Variants in SLC26A8 observed in about 807,000 individuals in gnomAD.
SLC26A8 encodes the protein testis anion transporter 1.
Under a neutral mutation model 105.0 loss-of-function variants are expected in SLC26A8, and 70 were observed. The ratio of observed to expected loss-of-function variants is 0.67; its 90% CI spans 0.55 to 0.81. The LOEUF is 0.81. Ranked by LOEUF, SLC26A8 falls within the 40% of genes least tolerant of loss-of-function variation. SLC26A8 has a pLI of 0.00. For synonymous variants in SLC26A8, 415 were observed against 438.3 expected (o/e 0.95, Z 0.66); for missense variants, 998 against 1,181.8 (o/e 0.84, Z 2.28).
In SLC26A8 at chr6:35,977,243, C is replaced by T. The variant is rs1231636259; in HGVS notation, c.1134G>A (p.Lys378=). 1 of 1,614,050 alleles carries T rather than the reference C, an allele frequency of 6.2e-7. No homozygotes were observed. Among genetic ancestry groups the T allele is most frequent in the Admixed American group, 1.7e-5 (1 of 60,006 alleles). ...SSFLLIFLGK[K]IASLHNYSVN... is the part of the protein sequence containing the mutation. ...CACTGTAATTGTGAAGACTGGCAAT[C>T]TTCTTGCCCAGAAATATGAGCAGAA... Residue 378 remains lysine (K), a synonymous_variant, in exon 9 of 20, where the codon AAG becomes AAA. Transcript: ENST00000490799.
intron 12 of SLC26A8, 30 bp downstream of exon 12, chr6:35,962,496 C>T: frequency 3.2e-6 from 5 of 1,571,850 alleles, no homozygotes; most frequent in African/African-American, 1.4e-5. Context: ...CTCTGCCCTC[C>T]CCTTCCTCAG....
intron 12 of SLC26A8, among the ~76,000 whole-genome samples, chr6:35,962,119 G>C (rs917186426): frequency 6.6e-6 from 1 of 151,988 alleles, no homozygotes; most frequent in African/African-American, 2.4e-5. Flanking sequence ...CCAGCTACTC[G>C]GGAGGCTGAG....
intron 7 of SLC26A8, among the ~76,000 whole-genome samples, chr6:35,988,490 C>G (rs1396559950): frequency 6.6e-6 from 1 of 151,882 alleles, no homozygotes; most frequent in Non-Finnish European, 1.5e-5. Context: ...TAAAAATCAG[C>G]TGGGCATGGT....
At chr6:35,950,177 G>T (rs990678656) in intron 19 of SLC26A8, among the ~76,000 whole-genome samples, 1 of 152,072 alleles carries the variant, frequency 6.6e-6, no homozygotes, top group Non-Finnish European at 1.5e-5. Flanking sequence ...CTAGTCATTA[G>T]ATAATATTAG....
In SLC26A8 at chr6:36,004,426, T is replaced by G. The variant is rs180723814; in HGVS notation, c.329-4318A>C. ...AGTATCCAGCAACATTCATAAAATC[T>G]TACTATTTTCTTTGTTTTTCTTTTT... On this transcript the variant is annotated intron_variant, in intron 3 of 19. Coordinates refer to ENST00000490799, the MANE Select transcript of SLC26A8 (RefSeq NM_052961.4). Among the ~76,000 whole-genome samples the G allele has an allele frequency of 2.6e-3, 339 of 127,978 alleles. 1 individual carries two copies. Among genetic ancestry groups the G allele is most frequent in the Non-Finnish European group, 4.1e-3 (227 of 56,024 alleles). The allele number at this position is 127,978 out of a possible 152,430, so 84.0% of individuals were successfully genotyped here. A position where few individuals can be genotyped will look rare whatever the true frequency, so the allele number is the denominator to read the frequency against.
In SLC26A8 at chr6:36,007,992, C is replaced by A. The variant is rs370737864; in HGVS notation, c.328+4241G>T. On this transcript the variant is annotated intron_variant, in intron 3 of 19. Coordinates refer to ENST00000490799, the MANE Select transcript of SLC26A8 (RefSeq NM_052961.4). Reference sequence around the variant, plus strand: ...AAAATTAGCCAGGCATAGTGGCAGGCGCCTGTAGTCCCAGCTACTCGGGAG... The same window carrying A: ...AAAATTAGCCAGGCATAGTGGCAGGAGCCTGTAGTCCCAGCTACTCGGGAG... Among the ~76,000 whole-genome samples the A allele has an allele frequency of 1.4e-3, 208 of 151,844 alleles. 2 individuals carry two copies. In the East Asian group the frequency reaches 0.031, roughly 23 times the overall value.
chr6:35,955,094 G>A (rs778694019), intron 17 of SLC26A8, 58 bp downstream of exon 17: 7 of 1,604,378 alleles, frequency 4.4e-6, no homozygotes, highest in African/African-American at 1.3e-5. Flanking sequence ...GGATCAGGGT[G>A]GGGTTGGGAT....
At chr6:35,985,446 G>A (rs1201938534) in intron 7 of SLC26A8, among the ~76,000 whole-genome samples, 1 of 152,008 alleles carries the variant, frequency 6.6e-6, no homozygotes, top group African/African-American at 2.4e-5. Context: ...TGTAATCCCA[G>A]CACTTTGGGA....
In SLC26A8 at chr6:35,965,553, A is replaced by G. The variant is rs149202572; in HGVS notation, c.1366-2932T>C. 6.5e-3 allele frequency among the ~76,000 whole-genome samples: 987 copies of G among 151,862 alleles called. 13 individuals are homozygous for G. The highest frequency in any genetic ancestry group is 0.022 in the African/African-American group (925 of 41,352). On this transcript the variant is annotated intron_variant, in intron 11 of 19. Transcript: ENST00000490799. ...AAAAGTTAGCCGGGTGTGGTGACGC[A>G]TGCCTGTAATCCCAGCTACTTGGGA...
Position 35,960,998 on chromosome 6 carries a change from T to G in SLC26A8, c.1563A>C (p.Ser521=). The change falls in exon 13 of 20, where the codon TCA becomes TCC. Residue 521 remains serine, a synonymous_variant. Transcript: ENST00000490799. ...TATTACCTGAGACAAAGTACCTGTGTGAACGAACAGTGGTGATGAAGAAAG... is the reference window on the plus strand; with the variant it reads ...TATTACCTGAGACAAAGTACCTGTGGGAACGAACAGTGGTGATGAAGAAAG... ...VSAFFITTVR[S]HRAKILLLGQ... is the part of the protein sequence containing the mutation. The G allele has an allele frequency of 6.2e-7, 1 of 1,614,118 alleles. No individual in the cohort carries two copies. The highest frequency in any genetic ancestry group is 1.1e-5 in the South Asian group (1 of 91,074).
chr6:35,991,930 C>T lies in SLC26A8; in HGVS notation c.793-122G>A, dbSNP rs139354174. On this transcript the variant is annotated intron_variant, in intron 6 of 19. Coordinates refer to ENST00000490799, the MANE Select transcript of SLC26A8 (RefSeq NM_052961.4). ...AAGTAGAGTTTCTGGGTACAAAGGT[C>T]TTTATGGGTATTACTAGAACAGTGA... 2.1e-3 allele frequency: 2,058 copies of T among 969,270 alleles called. 61 individuals carry two copies. The East Asian group carries it at 0.052, about 24-fold the overall frequency. 60.0% of individuals were successfully genotyped at this position (969,270 alleles called of 1,614,324 possible). A position where few individuals can be genotyped will look rare whatever the true frequency, so the allele number is the denominator to read the frequency against.
In SLC26A8 at chr6:35,960,991, A is replaced by C; in HGVS notation, c.1568+2T>G. The C allele has an allele frequency of 6.2e-7, 1 of 1,614,064 alleles. No individual in the cohort carries two copies. Among genetic ancestry groups the C allele is most frequent in the South Asian group, 1.1e-5 (1 of 91,074 alleles). On this transcript the variant is annotated splice_donor_variant, in intron 13 of 19. Coordinates refer to ENST00000490799, the MANE Select transcript of SLC26A8 (RefSeq NM_052961.4). LOFTEE classifies it high-confidence loss of function. The stretch of plus-strand genomic sequence containing the variant: ...AACCTCCTATTACCTGAGACAAAGT[A>C]CCTGTGTGAACGAACAGTGGTGATG...
intron 17 of SLC26A8, chr6:35,954,718 G>A (rs1010512806): frequency 5.2e-6 from 1 of 192,442 alleles, no homozygotes; most frequent in South Asian, 1.0e-4. Context: ...GCCGAGGTGC[G>A]CGGATCACTT....
chr6:35,976,742 C>T (rs1242383116), intron 9 of SLC26A8, among the ~76,000 whole-genome samples: 1 of 151,700 alleles, frequency 6.6e-6, no homozygotes, highest in Non-Finnish European at 1.5e-5. Context: ...GACAGGGTTT[C>T]ACCGTGTTAG....
rs1761999733 is a variant in SLC26A8 at position 36,016,520 on chromosome 6, T to C, written c.188+3000A>G. 2.6e-5 allele frequency among the ~76,000 whole-genome samples: 4 copies of C among 152,358 alleles called. No homozygotes were observed. The South Asian group carries it at 8.3e-4, about 32-fold the overall frequency. On this transcript the variant is annotated intron_variant, in intron 2 of 19. Coordinates refer to ENST00000490799, the MANE Select transcript of SLC26A8 (RefSeq NM_052961.4). ...TATTACATTACAATTGCTAAAGAGA[T>C]CTTGAAATATTAGTTACATTCATCA...
At chr6:35,975,133 C>G (rs144897543) in intron 10 of SLC26A8, among the ~76,000 whole-genome samples, 177 of 152,178 alleles carry the variant, frequency 1.2e-3, no homozygotes, top group Non-Finnish European at 2.1e-3. Context: ...ATACGGAAAC[C>G]TCTCACATAT....
intron 10 of SLC26A8, among the ~76,000 whole-genome samples, chr6:35,974,945 A>G (rs1279104139): frequency 1.3e-5 from 2 of 149,136 alleles, no homozygotes; most frequent in Non-Finnish European, 1.5e-5. Flanking sequence ...TCTAGTAGAG[A>G]TGGGGTTTTA....
At chr6:35,979,137 C>A (rs544543894) in intron 8 of SLC26A8, among the ~76,000 whole-genome samples, 2 of 150,946 alleles carry the variant, frequency 1.3e-5, no homozygotes, top group Non-Finnish European at 2.9e-5. Context: ...CAGGCATGAG[C>A]CACTGTGTCT....
intron 19 of SLC26A8, among the ~76,000 whole-genome samples, chr6:35,948,005 G>T (rs1771733947): frequency 6.6e-6 from 1 of 152,172 alleles, no homozygotes; most frequent in Non-Finnish European, 1.5e-5. Flanking sequence ...ACCTTACTAT[G>T]AATGAAACAT....
Sources: allele counts gnomAD v4.1 joint callset (sites outside exome capture counted in the v4.1 genomes callset), GRCh38; gene constraint gnomAD v4.1.1; transcripts MANE v1.5; gene names NCBI Gene and HGNC (gene_info 2026-07-23, HGNC 2026-07-21).